ZNF248: variants seen among roughly 807,000 people sequenced by gnomAD.
The protein encoded by ZNF248 is KRAB protein domain.
In ZNF248, 20 loss-of-function variants were observed where a neutral mutation model predicts 44.3. That is an observed-to-expected ratio of 0.45 (90% CI 0.32 to 0.66). The LOEUF (loss-of-function observed/expected upper bound fraction) is 0.66, where lower values mean the gene tolerates loss of function less well. Among genes scored for constraint, ZNF248 ranks in the 30% least tolerant of loss-of-function variants. The pLI is 0.04. For synonymous variants in ZNF248, 224 were observed against 229.0 expected (o/e 0.98, Z 0.20); for missense variants, 654 against 677.0 (o/e 0.97, Z 0.38).
At chr10:37,818,649 G>A (rs2052948359) in intron 6 of ZNF248, 1 of 505,740 alleles carries the variant, frequency 2.0e-6, no homozygotes, top group Non-Finnish European at 3.7e-6. Flanking sequence ...TGATGCAATA[G>A]CAGCCCCAGC....
At chr10:37,818,303 T>C (rs974986128) in intron 6 of ZNF248, among the ~76,000 whole-genome samples, 5 of 152,158 alleles carry the variant, frequency 3.3e-5, no homozygotes, top group Admixed American at 6.5e-5. Context: ...AAGTTCACAG[T>C]ACATGGAACC....
At chr10:37,855,936 C>T (rs1002775489) in intron 3 of ZNF248, among the ~76,000 whole-genome samples, 9 of 152,202 alleles carry the variant, frequency 5.9e-5, no homozygotes, top group African/African-American at 2.2e-4. Flanking sequence ...ATTCCTGGAT[C>T]AAACAGGACC....
chr10:37,802,466 T>C (rs1300497995), intron 6 of ZNF248, among the ~76,000 whole-genome samples: 1 of 152,220 alleles, frequency 6.6e-6, no homozygotes, highest in Non-Finnish European at 1.5e-5. Context: ...ACATGCAATT[T>C]TTCATTAGAT....
At position 37,836,771 on chromosome 10, in the gene ZNF248, TACACACACAC is replaced by T. The variant is rs72082671; in HGVS notation, c.238+836_238+845del. Among the ~76,000 whole-genome samples the T allele has an allele frequency of 2.1e-3, 313 of 148,446 alleles. 2 individuals carry two copies. The highest frequency in any genetic ancestry group is 3.4e-3 in the Middle Eastern group (1 of 292). ...ACATATATACAAACACACAGACATG[TACACACACAC>T]ACACACACACACACACACACACACG... On this transcript the variant is annotated intron_variant, in intron 5 of 5. Transcript: ENST00000395867.
At chr10:37,820,193 T>A in intron 6 of ZNF248, 1 of 1,258,698 alleles carries the variant, frequency 7.9e-7, no homozygotes, top group African/African-American at 1.5e-5. Flanking sequence ...CTAGTGCAGA[T>A]ATTTTTTATA....
At chr10:37,847,880 GT>G (rs1168550644) in intron 3 of ZNF248, among the ~76,000 whole-genome samples, 1 of 152,142 alleles carries the variant, frequency 6.6e-6, no homozygotes, top group Non-Finnish European at 1.5e-5. Context: ...TTTTGTGTAA[GT>G]TTGCAATTTT....
At chr10:37,780,434 A>C (rs2047143350) in intron 6 of ZNF248, among the ~76,000 whole-genome samples, 1 of 152,236 alleles carries the variant, frequency 6.6e-6, no homozygotes, top group Non-Finnish European at 1.5e-5. Flanking sequence ...CCTGTTTAAT[A>C]AATGGTGCTT....
chr10:37,796,980 TG>T (rs1436703012), intron 6 of ZNF248, among the ~76,000 whole-genome samples: 2 of 151,634 alleles, frequency 1.3e-5, no homozygotes, highest in African/African-American at 4.8e-5. Flanking sequence ...TAACTGCAAA[TG>T]GAAGATAAGA....
At chr10:37,759,476 G>A in the ZNF248 span, among the ~76,000 whole-genome samples, 1 of 152,188 alleles carries the variant, frequency 6.6e-6, no homozygotes, top group African/African-American at 2.4e-5. Context: ...AAGGTGCGGA[G>A]GCAGGAGCAG....
chr10:37,832,339 A>G lies in ZNF248; in HGVS notation c.1016T>C (p.Leu339Pro), dbSNP rs752792987. 3.3e-5 allele frequency: 54 copies of G among 1,613,950 alleles called. 1 individual carries two copies. In the South Asian group the frequency reaches 5.9e-4, roughly 18 times the overall value. Residue 339 changes from leucine to proline, a missense_variant, in exon 6 of 6, where the codon CTC becomes CCC. Coordinates refer to ENST00000395867, the MANE Select transcript of ZNF248 (RefSeq NM_021045.3). The stretch of plus-strand genomic sequence containing the variant: ...CATGTGTACTATTTGATGTTTTAAG[A>G]GAGCTGACTTTTCCCAGGTTTTGTC... ...VSDKTWEKSA[L>P]LKHQIVHMGG...
intron 6 of ZNF248, among the ~76,000 whole-genome samples, chr10:37,779,412 A>T (rs1202375423): frequency 6.6e-6 from 1 of 152,118 alleles, no homozygotes; most frequent in Non-Finnish European, 1.5e-5. Flanking sequence ...AAAGACAAAA[A>T]CCACATGATT....
At chr10:37,820,047 T>TCA (rs2053204146) in intron 6 of ZNF248, 1 of 813,426 alleles carries the variant, frequency 1.2e-6, no homozygotes, top group Non-Finnish European at 2.2e-6. Context: ...TTGCTCATTG[T>TCA]CACACATCTA....
downstream of ZNF248, among the ~76,000 whole-genome samples, chr10:37,827,321 C>T (rs1185066691): frequency 1.3e-5 from 2 of 152,170 alleles, no homozygotes. Context: ...AGCAGGCTTA[C>T]CGGTAAGGCC....
At chr10:37,817,999 T>C (rs2133554667) in intron 6 of ZNF248, among the ~76,000 whole-genome samples, 2 of 152,240 alleles carry the variant, frequency 1.3e-5, no homozygotes, top group South Asian at 4.1e-4. Context: ...CACTGCAAGC[T>C]CCGCCTCTCG....
At chr10:37,817,725 G>C (rs1461238400) in intron 6 of ZNF248, among the ~76,000 whole-genome samples, 1 of 151,984 alleles carries the variant, frequency 6.6e-6, no homozygotes, top group Non-Finnish European at 1.5e-5. Context: ...AATTATTTAG[G>C]GATAAAACAC....
intron 6 of ZNF248, among the ~76,000 whole-genome samples, chr10:37,781,031 T>G (rs1400952244): frequency 6.6e-6 from 1 of 152,210 alleles, no homozygotes. Flanking sequence ...GATATGATGG[T>G]TAATTCGACC....
chr10:37,801,051 T>C (rs1302885719), intron 6 of ZNF248, among the ~76,000 whole-genome samples: 1 of 151,312 alleles, frequency 6.6e-6, no homozygotes, highest in African/African-American at 2.4e-5. Flanking sequence ...CATGAGCCAC[T>C]GTGCCCGGCC....
chr10:37,819,315 C>T (rs1034504524), intron 6 of ZNF248: 7 of 1,027,332 alleles, frequency 6.8e-6, no homozygotes, highest in Non-Finnish European at 9.3e-6. Flanking sequence ...GAGTCAGTAT[C>T]CAGTGAAAAG....
the ZNF248 span, among the ~76,000 whole-genome samples, chr10:37,770,022 C>A: frequency 2.6e-5 from 4 of 152,092 alleles, no homozygotes; most frequent in Non-Finnish European, 4.4e-5. Flanking sequence ...TCCCTTTCAC[C>A]ATTGCTTCAA....
Sources: allele counts gnomAD v4.1 joint callset (sites outside exome capture counted in the v4.1 genomes callset), GRCh38; gene constraint gnomAD v4.1.1; transcripts MANE v1.5; gene names NCBI Gene and HGNC (gene_info 2026-07-23, HGNC 2026-07-21).